Variants in CDK19 observed in about 807,000 individuals in gnomAD.
CDK19 encodes the protein cyclin-dependent kinase 19.
CDK19 carries 20 observed loss-of-function variants against 68.3 expected under a neutral mutation model. That is an observed-to-expected ratio of 0.29 (90% CI 0.21 to 0.43). The LOEUF is 0.43. CDK19 is among the 20% of genes least tolerant of loss of function. CDK19 has a pLI of 1.00. For missense variants in CDK19, 339 were observed against 623.5 expected (o/e 0.54, Z 4.86); for synonymous variants, 221 against 222.8 (o/e 0.99, Z 0.07).
chr6:110,803,459 C>T (rs908634723), intron 1 of CDK19, among the ~76,000 whole-genome samples: 4 of 152,154 alleles, frequency 2.6e-5, no homozygotes, highest in African/African-American at 9.7e-5. Flanking sequence ...ATTTTAATAG[C>T]ATAAAATTAT....
intron 2 of CDK19, among the ~76,000 whole-genome samples, chr6:110,684,360 G>A (rs777070951): frequency 7.2e-6 from 1 of 138,686 alleles, no homozygotes; most frequent in African/African-American, 2.7e-5. Flanking sequence ...AGTCCCTTGG[G>A]ATTTCGATAA....
chr6:110,622,692 C>A (rs1778792980), intron 10 of CDK19, 123 bp downstream of exon 10: 2 of 648,774 alleles, frequency 3.1e-6, no homozygotes, highest in Non-Finnish European at 5.6e-6. Context: ...TGCTCTTGAG[C>A]AGTCTTTAGG....
rs1241915940 is a variant in CDK19, at chr6:110,815,027, T to C, written c.110A>G (p.Lys37Arg). 1.2e-6 allele frequency: 2 copies of C among 1,604,178 alleles called. No individual in the cohort carries two copies. The highest frequency in any genetic ancestry group is 8.5e-7 in the Non-Finnish European group (1 of 1,176,088). Residue 37 changes from lysine (K) to arginine (R), a missense_variant, in exon 1 of 13, where the codon AAG becomes AGG. Lys to Arg is a conservative substitution (Grantham distance 26). Coordinates refer to ENST00000368911, the MANE Select transcript of CDK19 (RefSeq NM_015076.5). ...VGRGTYGHVY[K>R]ARRKDGKDEK... ...CTCTTACCCATCTTTCCGCCTCGCC[T>C]TGTAGACGTGACCGTAGGTGCCGCG... is the stretch of plus-strand genomic sequence containing the variant.
At chr6:110,770,324 C>A (rs1779922722) in intron 1 of CDK19, among the ~76,000 whole-genome samples, 1 of 152,198 alleles carries the variant, frequency 6.6e-6, no homozygotes. Context: ...TACAGTTCCA[C>A]ATGGCTGGGG....
At chr6:110,756,104 C>T (rs115924579) in intron 1 of CDK19, among the ~76,000 whole-genome samples, 2,116 of 152,008 alleles carry the variant, frequency 0.014, 52 homozygotes, top group African/African-American at 0.049. Context: ...ACTAAAAATA[C>T]GAAATTAGCT....
At chr6:110,805,120 C>A (rs1034122419) in intron 1 of CDK19, among the ~76,000 whole-genome samples, 15 of 152,102 alleles carry the variant, frequency 9.9e-5, no homozygotes, top group African/African-American at 3.4e-4. Flanking sequence ...TCTCTTTTAT[C>A]CTGTACAGTG....
intron 2 of CDK19, among the ~76,000 whole-genome samples, chr6:110,725,443 A>G (rs973639750): frequency 6.6e-6 from 1 of 152,192 alleles, no homozygotes; most frequent in Non-Finnish European, 1.5e-5. Flanking sequence ...CTAAACACAG[A>G]TAGTAAGAAA....
At chr6:110,794,027 G>A (rs985925877) in intron 1 of CDK19, among the ~76,000 whole-genome samples, 1 of 152,080 alleles carries the variant, frequency 6.6e-6, no homozygotes, top group East Asian at 1.9e-4. Flanking sequence ...CAGCATAGTT[G>A]TGTTCTTCCC....
chr6:110,798,539 C>CCCTTGAA (rs1003113534), intron 1 of CDK19, among the ~76,000 whole-genome samples: 16 of 150,710 alleles, frequency 1.1e-4, no homozygotes, highest in African/African-American at 3.9e-4. Context: ...GCAAGAGAAT[C>CCCTTGAA]CCTTGAACCC....
At chr6:110,696,362 G>A (rs534953013) in intron 2 of CDK19, among the ~76,000 whole-genome samples, 3 of 152,126 alleles carry the variant, frequency 2.0e-5, no homozygotes, top group Non-Finnish European at 4.4e-5. Flanking sequence ...GTAATAAAAG[G>A]CATCTATGAC....
intron 4 of CDK19, among the ~76,000 whole-genome samples, chr6:110,664,077 T>C (rs1781775301): frequency 6.6e-6 from 1 of 152,056 alleles, no homozygotes; most frequent in African/African-American, 2.4e-5. Context: ...CCCCAAAAAC[T>C]CTCTAACTCT....
At chr6:110,812,141 GAC>G (rs1315883876) in intron 1 of CDK19, among the ~76,000 whole-genome samples, 5 of 149,218 alleles carry the variant, frequency 3.4e-5, no homozygotes, top group Non-Finnish European at 5.9e-5. Context: ...TTTTTTTTGA[GAC>G]AGAGTCTCGC....
chr6:110,767,010 T>A (rs1378853740), intron 1 of CDK19, among the ~76,000 whole-genome samples: 1 of 151,978 alleles, frequency 6.6e-6, no homozygotes. Context: ...GGTGCGTGTC[T>A]CTAGTCCCAG....
chr6:110,683,636 A>G (rs1772199507), intron 2 of CDK19, among the ~76,000 whole-genome samples: 3 of 152,062 alleles, frequency 2.0e-5, no homozygotes. Flanking sequence ...TTTGCGATAA[A>G]TAAGAAATTC....
chr6:110,702,271 C>A (rs1442113756), intron 2 of CDK19, among the ~76,000 whole-genome samples: 1 of 151,948 alleles, frequency 6.6e-6, no homozygotes, highest in Non-Finnish European at 1.5e-5. Context: ...CATAGTGAGA[C>A]CTCATCTCTA....
At chr6:110,814,817 T>A in intron 1 of CDK19, 192 bp downstream of exon 1, 1 of 741,482 alleles carries the variant, frequency 1.3e-6, no homozygotes, top group Non-Finnish European at 2.3e-6. Flanking sequence ...GAGTTCGAGG[T>A]ACGCGACGGG....
At chr6:110,781,531 C>A (rs1225254454) in intron 1 of CDK19, among the ~76,000 whole-genome samples, 1 of 152,092 alleles carries the variant, frequency 6.6e-6, no homozygotes, top group Non-Finnish European at 1.5e-5. Flanking sequence ...AGAAACATAG[C>A]AGAACTTGGT....
Position 110,794,047 on chromosome 6 carries a change from G to T in CDK19, c.128+20962C>A, listed in dbSNP as rs182794751. Among the ~76,000 whole-genome samples the T allele has an allele frequency of 1.2e-4, 18 of 151,958 alleles. No homozygotes were observed. The East Asian group carries it at 2.9e-3, about 24-fold the overall frequency. On this transcript the variant is annotated intron_variant, in intron 1 of 12. Transcript: ENST00000368911. ...TAGTTGTGTTCTTCCCAGTTTTTTTGTTTGTTTGTTTGTTTTAAGATGGAG... is the reference window on the plus strand; with the variant it reads ...TAGTTGTGTTCTTCCCAGTTTTTTTTTTTGTTTGTTTGTTTTAAGATGGAG...
chr6:110,756,828 C>T (rs976673665), intron 1 of CDK19, among the ~76,000 whole-genome samples: 22 of 151,984 alleles, frequency 1.4e-4, no homozygotes, highest in African/African-American at 5.3e-4. Flanking sequence ...TGACAATGGG[C>T]TAGTTTGGAA....
Sources: gnomAD v4.1 joint callset for allele counts (sites outside exome capture counted in the v4.1 genomes callset) on GRCh38, gnomAD v4.1.1 for gene constraint, MANE v1.5 for transcripts, NCBI Gene and HGNC (gene_info 2026-07-23, HGNC 2026-07-21) for gene names.